The following TMEM200A variants were observed in gnomAD, a reference collection of about 807,000 sequenced individuals.
TMEM200A encodes the protein transmembrane protein 200A.
A neutral mutation model predicts 24.3 loss-of-function variants in TMEM200A; 12 were observed. That is an observed-to-expected ratio of 0.49 (90% CI 0.32 to 0.80). The LOEUF (loss-of-function observed/expected upper bound fraction) is 0.80. TMEM200A is among the 30% of genes least tolerant of loss of function. The pLI, the probability that TMEM200A is intolerant of heterozygous loss-of-function variation, is 0.04. For synonymous variants in TMEM200A, 224 were observed against 224.4 expected, an observed-to-expected ratio of 1.00 and a Z score of 0.02; for missense variants, 545 against 614.4, an observed-to-expected ratio of 0.89 and a Z score of 1.19.
chr6:130,406,443 CTTG>C (rs900847344), intron 2 of TMEM200A, among the ~76,000 whole-genome samples: 20 of 152,188 alleles, frequency 1.3e-4, no homozygotes, highest in Admixed American at 1.2e-3. Flanking sequence ...CCTTAAAAAC[CTTG>C]TTTAGTCTCA....
rs531336259 is a variant in TMEM200A at position 130,366,851 on chromosome 6, G to A, written c.-81+327G>A. On this transcript the variant is annotated intron_variant, in intron 1 of 2. Transcript: ENST00000296978. The surrounding 1 kb of genome is among the most constrained non-coding windows in gnomAD (Gnocchi z 4.4). Reference sequence around the variant, plus strand: ...CAGCATTCTCTGTAATGTCCACAGCGTTAATTCATGATTGAGCAAAGTATG... The same window carrying A: ...CAGCATTCTCTGTAATGTCCACAGCATTAATTCATGATTGAGCAAAGTATG... 6.6e-6 allele frequency among the ~76,000 whole-genome samples: 1 copy of A among 152,304 alleles called. No individual in the cohort carries two copies. Among genetic ancestry groups the A allele is most frequent in the South Asian group, 2.1e-4 (1 of 4,830 alleles).
rs541747824 is a variant in TMEM200A, at chr6:130,434,373, A to G, written c.-16-6034A>G. On this transcript the variant is annotated intron_variant, in intron 2 of 2. Transcript: ENST00000296978. ...AACATTCCTGGCCTTTAGATGGCTA[A>G]AAGGAATGGCTGGATCCAAAGATGT... 1.6e-3 allele frequency among the ~76,000 whole-genome samples: 248 copies of G among 152,352 alleles called. 1 individual carries two copies. Among genetic ancestry groups the G allele is most frequent in the African/African-American group, 5.7e-3 (236 of 41,570 alleles).
intron 2 of TMEM200A, chr6:130,438,632 A>G (rs911386045): frequency 2.0e-5 from 3 of 152,256 alleles, no homozygotes. Context: ...GTCATCCAAC[A>G]GACCACAAGA....
chr6:130,435,108 T>C (rs1779969867), intron 2 of TMEM200A, among the ~76,000 whole-genome samples: 1 of 152,124 alleles, frequency 6.6e-6, no homozygotes, highest in Non-Finnish European at 1.5e-5. Flanking sequence ...CAAACTAATT[T>C]TGTATTTTTG....
At chr6:130,387,858 T>C (rs1184190186) in intron 2 of TMEM200A, among the ~76,000 whole-genome samples, 1 of 152,250 alleles carries the variant, frequency 6.6e-6, no homozygotes, top group Non-Finnish European at 1.5e-5. Flanking sequence ...ACTTCTGGTG[T>C]CTTTTCTCTT....
chr6:130,373,476 T>G (rs1778366678), intron 1 of TMEM200A, among the ~76,000 whole-genome samples: 1 of 152,202 alleles, frequency 6.6e-6, no homozygotes, highest in Non-Finnish European at 1.5e-5. Context: ...CTCTGTTTGC[T>G]TAATCTTATG....
rs1224360509 is a variant in TMEM200A, at chr6:130,366,572, G to T, written c.-81+48G>T. 2.0e-6 allele frequency: 2 copies of T among 985,626 alleles called. No homozygotes were observed. Among genetic ancestry groups the T allele is most frequent in the Non-Finnish European group, 2.4e-6 (2 of 830,190 alleles). The allele number at this position is 985,626 out of a possible 1,614,324, so 61.1% of individuals were successfully genotyped here. A position where few individuals can be genotyped will look rare whatever the true frequency, so the allele number is the denominator to read the frequency against. On this transcript the variant is annotated intron_variant, in intron 1 of 2. Transcript: ENST00000296978. This position sits in a 1 kb window ranked among gnomAD's most constrained non-coding sequence, Gnocchi z 4.4. Reference sequence around the variant, plus strand: ...GACGGGAGTGGGGAGGTGGGTGGGCGGCCACCGCAGCCGAAACCGGGCACT... The same window carrying T: ...GACGGGAGTGGGGAGGTGGGTGGGCTGCCACCGCAGCCGAAACCGGGCACT...
At chr6:130,390,090 T>G (rs911757425) in intron 2 of TMEM200A, among the ~76,000 whole-genome samples, 3 of 152,192 alleles carry the variant, frequency 2.0e-5, no homozygotes, top group African/African-American at 7.2e-5. Flanking sequence ...CTTATCAGTT[T>G]TCAAAAAAAG....
chr6:130,415,044 C>G (rs539258154), intron 2 of TMEM200A, among the ~76,000 whole-genome samples: 1 of 152,232 alleles, frequency 6.6e-6, no homozygotes, highest in Non-Finnish European at 1.5e-5. Flanking sequence ...TTTGGTTCAG[C>G]ATGAAATATT....
At chr6:130,375,720 G>T (rs900705506) in intron 1 of TMEM200A, among the ~76,000 whole-genome samples, 1 of 152,132 alleles carries the variant, frequency 6.6e-6, no homozygotes, top group African/African-American at 2.4e-5. Flanking sequence ...ATTGGAGTAG[G>T]TTTTATACTC....
At chr6:130,398,275 C>T (rs908637577) in intron 2 of TMEM200A, among the ~76,000 whole-genome samples, 1 of 152,108 alleles carries the variant, frequency 6.6e-6, no homozygotes, top group African/African-American at 2.4e-5. Context: ...CCAGCTGCAT[C>T]CATGTTATTG....
intron 2 of TMEM200A, among the ~76,000 whole-genome samples, chr6:130,418,523 G>A (rs1404328681): frequency 6.6e-6 from 1 of 152,048 alleles, no homozygotes; most frequent in Non-Finnish European, 1.5e-5. Context: ...AGGAAGGGAG[G>A]ATAAATATTC....
At chr6:130,419,208 A>G (rs1779524414) in intron 2 of TMEM200A, among the ~76,000 whole-genome samples, 1 of 152,148 alleles carries the variant, frequency 6.6e-6, no homozygotes, top group Admixed American at 6.6e-5. Context: ...GCTTAACATA[A>G]TGACCTCCAG....
At chr6:130,391,669 AC>A (rs1268180756) in intron 2 of TMEM200A, among the ~76,000 whole-genome samples, 1 of 150,322 alleles carries the variant, frequency 6.7e-6, no homozygotes, top group Non-Finnish European at 1.5e-5. Context: ...AGAAACAGAG[AC>A]CCAGTATGCA....
chr6:130,421,055 T>C (rs1779571238), intron 2 of TMEM200A: 1 of 152,198 alleles, frequency 6.6e-6, no homozygotes, highest in South Asian at 2.1e-4. Context: ...TCCCCTTCTG[T>C]TTCATCTGAG....
At chr6:130,370,099 TTCTC>T (rs1778284244) in intron 1 of TMEM200A, among the ~76,000 whole-genome samples, 1 of 152,140 alleles carries the variant, frequency 6.6e-6, no homozygotes, top group South Asian at 2.1e-4. Flanking sequence ...TCGAGGTTCT[TTCTC>T]TCTCTCCCCA....
rs368839815 is a variant in TMEM200A, at chr6:130,387,695, A to G, written c.-17+2459A>G. On this transcript the variant is annotated intron_variant, in intron 2 of 2. Coordinates refer to ENST00000296978, the MANE Select transcript of TMEM200A (RefSeq NM_001258277.2). ...TTGCTTAAGCCAACAGCACTCAAATATGTTAAGGGAATTCTAGATTGAAAT... is the reference window on the plus strand; with the variant it reads ...TTGCTTAAGCCAACAGCACTCAAATGTGTTAAGGGAATTCTAGATTGAAAT... 1.1e-3 allele frequency among the ~76,000 whole-genome samples: 163 copies of G among 152,328 alleles called. 1 individual carries two copies. Among genetic ancestry groups the G allele is most frequent in the Admixed American group, 2.7e-3 (42 of 15,302 alleles).
chr6:130,410,907 G>T (rs1311606458), intron 2 of TMEM200A, among the ~76,000 whole-genome samples: 1 of 152,180 alleles, frequency 6.6e-6, no homozygotes, highest in African/African-American at 2.4e-5. Flanking sequence ...AGTGGCTCAC[G>T]CCTATAATCC....
At chr6:130,373,457 T>TA (rs1332575756) in intron 1 of TMEM200A, among the ~76,000 whole-genome samples, 9 of 152,214 alleles carry the variant, frequency 5.9e-5, no homozygotes, top group African/African-American at 2.2e-4. Flanking sequence ...AATAGTGTAT[T>TA]ACAACCTACT....
Sources: allele counts gnomAD v4.1 joint callset (sites outside exome capture counted in the v4.1 genomes callset), GRCh38; gene constraint gnomAD v4.1.1; non-coding constraint Gnocchi (gnomAD v3.1); transcripts MANE v1.5; gene names NCBI Gene and HGNC (gene_info 2026-07-23, HGNC 2026-07-21).